The following CCDC201 variants were observed in gnomAD, a reference collection of about 807,000 sequenced individuals.
The protein encoded by CCDC201 is coiled-coil domain containing 201.
chr7:45,864,686 A>G (rs1370164935), intron 2 of CCDC201, among the ~76,000 whole-genome samples: 1 of 152,206 alleles, frequency 6.6e-6, no homozygotes, highest in Non-Finnish European at 1.5e-5. Context: ...GTGAGAGAAG[A>G]CAGCAAGCAA....
At chr7:45,864,172 G>A (rs1233630425) in intron 2 of CCDC201, among the ~76,000 whole-genome samples, 1 of 152,196 alleles carries the variant, frequency 6.6e-6, no homozygotes, top group East Asian at 1.9e-4. Context: ...CGCAGGCACT[G>A]CCTGTCTGGA....
upstream of CCDC201, among the ~76,000 whole-genome samples, chr7:45,875,794 G>A (rs867517735): frequency 2.6e-5 from 4 of 152,202 alleles, no homozygotes; most frequent in East Asian, 1.9e-4. Flanking sequence ...CCACCTGGGC[G>A]TGACTGAGGA....
the CCDC201 span, among the ~76,000 whole-genome samples, chr7:45,883,669 T>A: frequency 6.6e-6 from 1 of 152,246 alleles, no homozygotes; most frequent in African/African-American, 2.4e-5. Flanking sequence ...TCTCTAACTC[T>A]TCCTCTCACC....
the CCDC201 span, among the ~76,000 whole-genome samples, chr7:45,880,459 C>CCAGGTGATGGGCACACTGTATG: frequency 6.6e-6 from 1 of 152,176 alleles, no homozygotes; most frequent in Admixed American, 6.5e-5. Flanking sequence ...TGATGGCACC[C>CCAGGTGATGGGCACACTGTATG]CAGGTGATGG....
At chr7:45,884,360 A>G in the CCDC201 span, among the ~76,000 whole-genome samples, 3 of 152,144 alleles carry the variant, frequency 2.0e-5, no homozygotes, top group Admixed American at 6.5e-5. Flanking sequence ...TCAGCCTCTC[A>G]GTGTTGGAAT....
At chr7:45,879,411 T>C in the CCDC201 span, among the ~76,000 whole-genome samples, 1 of 152,220 alleles carries the variant, frequency 6.6e-6, no homozygotes, top group South Asian at 2.1e-4. Context: ...AAGAAATACC[T>C]GAAACTGGGT....
chr7:45,867,155 G>A (rs572535075), intron 1 of CCDC201, among the ~76,000 whole-genome samples: 22 of 152,330 alleles, frequency 1.4e-4, no homozygotes, highest in African/African-American at 5.3e-4. Flanking sequence ...TGCCTCTGCA[G>A]TGCCCCTTGA....
upstream of CCDC201, among the ~76,000 whole-genome samples, chr7:45,874,792 A>G (rs1051017775): frequency 6.6e-6 from 1 of 152,124 alleles, no homozygotes; most frequent in Non-Finnish European, 1.5e-5. Flanking sequence ...AAATTCTTCT[A>G]CCCTGGGGGT....
At chr7:45,877,165 A>G (rs953201694), upstream of CCDC201, among the ~76,000 whole-genome samples, 8 of 152,154 alleles carry the variant, frequency 5.3e-5, no homozygotes, top group African/African-American at 1.9e-4. Flanking sequence ...AAACTCAACA[A>G]CTTTTAGCAC....
the CCDC201 span, among the ~76,000 whole-genome samples, chr7:45,879,911 C>A: frequency 1.3e-5 from 2 of 152,046 alleles, no homozygotes; most frequent in African/African-American, 4.8e-5. Context: ...CATGGTGAAA[C>A]CCCATCTCTA....
At chr7:45,867,348 C>A (rs558540048) in intron 1 of CCDC201, among the ~76,000 whole-genome samples, 3 of 152,140 alleles carry the variant, frequency 2.0e-5, no homozygotes, top group African/African-American at 7.2e-5. Flanking sequence ...TATGTTTAAT[C>A]CCACTTGAAT....
chr7:45,879,805 G>A, the CCDC201 span, among the ~76,000 whole-genome samples: 13 of 152,202 alleles, frequency 8.5e-5, no homozygotes, highest in Non-Finnish European at 1.5e-5. Context: ...ACTGTATCTG[G>A]CTGGGCACAG....
At chr7:45,881,851 G>T in the CCDC201 span, among the ~76,000 whole-genome samples, 2 of 152,144 alleles carry the variant, frequency 1.3e-5, no homozygotes, top group Non-Finnish European at 2.9e-5. Flanking sequence ...TTAGAAACTG[G>T]GTTTTGTTGA....
intron 1 of CCDC201, among the ~76,000 whole-genome samples, chr7:45,867,334 A>G (rs925528708): frequency 2.6e-5 from 4 of 152,122 alleles, no homozygotes; most frequent in Admixed American, 2.0e-4. Flanking sequence ...CAGATTTTTC[A>G]TTTTATGTTT....
chr7:45,880,934 G>A, the CCDC201 span, among the ~76,000 whole-genome samples: 12 of 152,122 alleles, frequency 7.9e-5, no homozygotes, highest in African/African-American at 2.7e-4. Flanking sequence ...AGCACATTGA[G>A]GTTTCTTGCT....
chr7:45,873,782 A>C (rs989453333), upstream of CCDC201, among the ~76,000 whole-genome samples: 13 of 152,252 alleles, frequency 8.5e-5, no homozygotes, highest in Non-Finnish European at 1.5e-4. Flanking sequence ...GGGGAATGAA[A>C]CTAAAAAGAG....
intron 1 of CCDC201, among the ~76,000 whole-genome samples, chr7:45,870,794 C>CA (rs1186152688): frequency 1.3e-5 from 2 of 151,876 alleles, no homozygotes; most frequent in Non-Finnish European, 2.9e-5. Context: ...CCAACAACAA[C>CA]AAAAAAACCA....
chr7:45,862,605 C>T (rs1786617540), exon 3 of CCDC201: 1 of 152,288 alleles, frequency 6.6e-6, no homozygotes, highest in African/African-American at 2.4e-5. Context: ...TTTCCAGTTC[C>T]TGCTTCAGGC....
chr7:45,868,669 C>CAG (rs1169085237), intron 1 of CCDC201, among the ~76,000 whole-genome samples: 23 of 152,188 alleles, frequency 1.5e-4, no homozygotes, highest in African/African-American at 5.3e-4. Context: ...GGAGATGAGC[C>CAG]CTGTATTTTT....
Sources: allele counts gnomAD v4.1 joint callset (sites outside exome capture counted in the v4.1 genomes callset), GRCh38; gene constraint gnomAD v4.1.1; transcripts MANE v1.5; gene names NCBI Gene and HGNC (gene_info 2026-07-23, HGNC 2026-07-21).